The following PIGL variants were observed in gnomAD, a reference collection of about 807,000 sequenced individuals.
The protein encoded by PIGL is phosphatidylinositol glycan anchor biosynthesis class L, also known as N-acetylglucosaminyl-phosphatidylinositol de-N-acetylase.
PIGL carries 22 observed loss-of-function variants against 31.1 expected under a neutral mutation model. The ratio of observed to expected loss-of-function variants is 0.71; its 90% CI spans 0.51 to 1.01. The LOEUF is 1.01. Among genes scored for constraint, PIGL ranks in the 50% least tolerant of loss-of-function variants. The probability of loss-of-function intolerance (pLI) is 0.00; values close to 1 mark genes in which losing one functional copy is unlikely to be tolerated. For missense variants in PIGL, 302 were observed against 315.9 expected, an observed-to-expected ratio of 0.96 and a Z score of 0.33; for synonymous variants, 131 against 117.4, an observed-to-expected ratio of 1.12 and a Z score of -0.75.
chr17:16,259,124 C>T (rs892508605), intron 2 of PIGL, among the ~76,000 whole-genome samples: 1 of 152,098 alleles, frequency 6.6e-6, no homozygotes, highest in African/African-American at 2.4e-5. Flanking sequence ...TAGTTTGGTA[C>T]AACTGTTATG....
At chr17:16,302,875 G>C (rs58203269) in intron 3 of PIGL, among the ~76,000 whole-genome samples, 6,469 of 152,222 alleles carry the variant, frequency 0.042, 464 homozygotes, top group African/African-American at 0.15. Context: ...GGGATTACAG[G>C]TGTGAGCCAC....
intron 2 of PIGL, among the ~76,000 whole-genome samples, chr17:16,269,959 G>A (rs1163912095): frequency 1.3e-5 from 2 of 151,976 alleles, no homozygotes; most frequent in African/African-American, 2.4e-5. Flanking sequence ...CAGAGCTGAA[G>A]CCATATCCTG....
At chr17:16,217,544 G>T (rs987269317) in intron 1 of PIGL, 83 bp downstream of exon 1, 2 of 1,105,480 alleles carry the variant, frequency 1.8e-6, no homozygotes, top group South Asian at 1.4e-5. Context: ...CCTTCTTCTC[G>T]AAGTTTTCCG....
At chr17:16,315,822 G>A (rs977384822) in intron 4 of PIGL, among the ~76,000 whole-genome samples, 1 of 139,838 alleles carries the variant, frequency 7.2e-6, no homozygotes, top group African/African-American at 2.6e-5. Context: ...TCAGCCTCCT[G>A]AGTAGCTGGG....
chr17:16,293,697 A>G (rs1369964401), intron 2 of PIGL, among the ~76,000 whole-genome samples: 1 of 152,216 alleles, frequency 6.6e-6, no homozygotes, highest in African/African-American at 2.4e-5. Flanking sequence ...AAGCACAATT[A>G]CTTATTGTTT....
At chr17:16,237,157 G>A (rs2092702824) in intron 2 of PIGL, among the ~76,000 whole-genome samples, 3 of 142,914 alleles carry the variant, frequency 2.1e-5, no homozygotes, top group Non-Finnish European at 4.5e-5. Context: ...GCCCAGGCTG[G>A]AGTGCAGTGG....
chr17:16,280,262 G>A (rs569756268), intron 2 of PIGL, among the ~76,000 whole-genome samples: 1 of 152,206 alleles, frequency 6.6e-6, no homozygotes, highest in Non-Finnish European at 1.5e-5. Flanking sequence ...CTGTACTTGA[G>A]AGAGGCTAAG....
intron 6 of PIGL, among the ~76,000 whole-genome samples, chr17:16,319,240 A>AC (rs1461756250): frequency 6.6e-6 from 1 of 151,512 alleles, no homozygotes; most frequent in African/African-American, 2.4e-5. Context: ...AAAAAAAAAA[A>AC]AAAAATCAAA....
chr17:16,232,603 T>C (rs1371469495), intron 1 of PIGL, among the ~76,000 whole-genome samples: 2 of 152,118 alleles, frequency 1.3e-5, no homozygotes, highest in Non-Finnish European at 2.9e-5. Context: ...CTGATAACCA[T>C]AATCATAGAC....
intron 1 of PIGL, among the ~76,000 whole-genome samples, chr17:16,227,601 A>G (rs181800396): frequency 0.011 from 919 of 82,052 alleles, 9 homozygotes; most frequent in East Asian, 0.061. Flanking sequence ...TTTTTTTGAG[A>G]TGGAGTTTCA....
chr17:16,325,821 AG>A lies in PIGL; in HGVS notation c.683del (p.Ser228ThrfsTer17). 6.2e-7 allele frequency: 1 copy of A among 1,613,882 alleles called. No individual in the cohort carries two copies. The highest frequency in any genetic ancestry group is 8.5e-7 in the Non-Finnish European group (1 of 1,179,784). ...QAKKAMSCHRSQLLWFRRLYI... is the reference protein window; with the variant it reads ...QAKKAMSCHRXQLLWFRRLYI... ...CTAGAAAGCCATGTCCTGCCACCGC[AG>A]CCAGCTCCTCTGGTTCCGCCGCCTC... On this transcript the variant is annotated frameshift_variant, in exon 7 of 7. Transcript: ENST00000225609. LOFTEE classifies it high-confidence loss of function.
At chr17:16,291,032 G>C (rs1206273387) in intron 2 of PIGL, among the ~76,000 whole-genome samples, 2 of 152,144 alleles carry the variant, frequency 1.3e-5, no homozygotes, top group Non-Finnish European at 2.9e-5. Flanking sequence ...CTTGACTTCT[G>C]CTTTCAAATT....
intron 2 of PIGL, among the ~76,000 whole-genome samples, chr17:16,289,404 G>A (rs2092951325): frequency 6.6e-6 from 1 of 152,176 alleles, no homozygotes; most frequent in Non-Finnish European, 1.5e-5. Context: ...CTTCAGATTT[G>A]TCATCTCTCC....
chr17:16,222,829 T>G (rs970512121), intron 1 of PIGL, among the ~76,000 whole-genome samples: 1 of 151,684 alleles, frequency 6.6e-6, no homozygotes, highest in African/African-American at 2.4e-5. Flanking sequence ...CTGGCCAGCT[T>G]GGTGAAACCC....
At position 16,317,911 on chromosome 17, in the gene PIGL, G is replaced by A. The variant is rs761580302; in HGVS notation, c.660+3G>A. 3.7e-6 allele frequency: 6 copies of A among 1,611,006 alleles called. No individual in the cohort carries two copies. The highest frequency in any genetic ancestry group is 2.2e-5 in the East Asian group (1 of 44,826). ...GCAAAGAAGTGGCACAGGCCAAGGT[G>A]AGGATTGTAAATTCCTGGACACCCC... On this transcript the variant is annotated splice_donor_region_variant and intron_variant, in intron 6 of 6. Transcript: ENST00000225609.
At chr17:16,285,221 A>G (rs938965709) in intron 2 of PIGL, among the ~76,000 whole-genome samples, 1 of 152,220 alleles carries the variant, frequency 6.6e-6, no homozygotes, top group Admixed American at 6.5e-5. Context: ...TGGGAAGGAG[A>G]ACACAGGTAA....
At chr17:16,320,373 G>A (rs1400555413) in intron 6 of PIGL, among the ~76,000 whole-genome samples, 2 of 132,944 alleles carry the variant, frequency 1.5e-5, no homozygotes, top group African/African-American at 5.7e-5. Flanking sequence ...AGAGAGAGAG[G>A]AAAGAAGGAA....
At chr17:16,266,627 G>T (rs1347752603) in intron 2 of PIGL, among the ~76,000 whole-genome samples, 1 of 151,378 alleles carries the variant, frequency 6.6e-6, no homozygotes. Context: ...CGGGAGTCTC[G>T]CTCTGTTGCC....
chr17:16,260,348 T>C (rs2092814120), intron 2 of PIGL, among the ~76,000 whole-genome samples: 1 of 152,214 alleles, frequency 6.6e-6, no homozygotes, highest in Non-Finnish European at 1.5e-5. Flanking sequence ...ATGGTGCTTT[T>C]TCTGGACCTG....
Sources: allele counts gnomAD v4.1 joint callset (sites outside exome capture counted in the v4.1 genomes callset), GRCh38; gene constraint gnomAD v4.1.1; transcripts MANE v1.5; gene names NCBI Gene and HGNC (gene_info 2026-07-23, HGNC 2026-07-21).